The following ADARB2 variants were observed in gnomAD, a reference collection of about 807,000 sequenced individuals.
ADARB2 encodes the protein adenosine deaminase RNA specific B2 (inactive), also known as inactive double-stranded RNA-specific editase B2.
In ADARB2, 25 loss-of-function variants were observed where a neutral mutation model predicts 62.2. The ratio of observed to expected loss-of-function variants is 0.40; its 90% CI spans 0.29 to 0.56. The LOEUF is 0.56. Ranked by LOEUF, ADARB2 falls within the 20% of genes least tolerant of loss-of-function variation. The pLI is 0.43. For missense variants in ADARB2, 1,071 were observed against 1,077.4 expected (o/e 0.99, Z 0.08); for synonymous variants, 572 against 500.8 (o/e 1.14, Z -1.90).
chr10:1,615,001 G>A (rs1299843422), intron 1 of ADARB2, among the ~76,000 whole-genome samples: 1 of 152,188 alleles, frequency 6.6e-6, no homozygotes, highest in Non-Finnish European at 1.5e-5. Context: ...CATTGTTGGG[G>A]AGGAGCTCAT....
intron 2 of ADARB2, among the ~76,000 whole-genome samples, chr10:1,366,554 A>C (rs1832315507): frequency 6.6e-6 from 1 of 152,104 alleles, no homozygotes; most frequent in Non-Finnish European, 1.5e-5. Flanking sequence ...GAGGGTATTA[A>C]TGTCCGATTT....
At chr10:1,409,639 C>T (rs1832739891) in intron 1 of ADARB2, among the ~76,000 whole-genome samples, 1 of 139,062 alleles carries the variant, frequency 7.2e-6, no homozygotes, top group African/African-American at 2.6e-5. Context: ...GGTGCCGAGG[C>T]CTGGCTGTGG....
chr10:1,562,468 A>G (rs1452950796), intron 1 of ADARB2, among the ~76,000 whole-genome samples: 1 of 152,032 alleles, frequency 6.6e-6, no homozygotes, highest in Non-Finnish European at 1.5e-5. Flanking sequence ...CAAGTGTCAG[A>G]CAACAAAATC....
rs1366567476 is a variant in ADARB2 at position 1,182,365 on chromosome 10, C to G, written c.*828G>C. The stretch of plus-strand genomic sequence containing the variant: ...GGGCCAGGTGTTTCCGGGCTCCCCA[C>G]ATCTGCAGCACGCGTGGGCCGGGTG... On this transcript the variant is annotated 3_prime_UTR_variant, in exon 10 of 10. Coordinates refer to ENST00000381312, the MANE Select transcript of ADARB2 (RefSeq NM_018702.4). 6.5e-6 allele frequency: 1 copy of G among 153,984 alleles called. No homozygotes were observed. Among genetic ancestry groups the G allele is most frequent in the African/African-American group, 2.4e-5 (1 of 41,416 alleles). The allele number at this position is 153,984 out of a possible 1,614,324, so 9.5% of individuals were successfully genotyped here.
At chr10:1,418,284 G>A (rs1310221681) in intron 1 of ADARB2, among the ~76,000 whole-genome samples, 1 of 152,182 alleles carries the variant, frequency 6.6e-6, no homozygotes, top group Non-Finnish European at 1.5e-5. Context: ...TGGAGTTCCC[G>A]GGAAAGACGG....
At chr10:1,695,859 TGTACACACACATGCATGA>T (rs1447793842) in intron 1 of ADARB2, among the ~76,000 whole-genome samples, 20 of 151,292 alleles carry the variant, frequency 1.3e-4, no homozygotes, top group Middle Eastern at 3.2e-3. Flanking sequence ...TGTGCATCCA[TGTACACACACATGCATGA>T]GGACACACAC....
intron 3 of ADARB2, among the ~76,000 whole-genome samples, chr10:1,347,908 G>A (rs943021315): frequency 1.3e-5 from 2 of 151,952 alleles, no homozygotes; most frequent in Admixed American, 6.6e-5. Context: ...AGAGGGATAC[G>A]GAGACAGAGA....
At chr10:1,303,970 T>G (rs1197375986) in intron 3 of ADARB2, among the ~76,000 whole-genome samples, 1 of 151,954 alleles carries the variant, frequency 6.6e-6, no homozygotes, top group Non-Finnish European at 1.5e-5. Context: ...CATCAACTAA[T>G]GAGCAAAATA....
chr10:1,408,631 C>T (rs940751135), intron 1 of ADARB2, among the ~76,000 whole-genome samples: 4 of 152,136 alleles, frequency 2.6e-5, no homozygotes, highest in Non-Finnish European at 5.9e-5. Context: ...GCTTGCTGCC[C>T]GTCGGAAACC....
At chr10:1,354,251 C>T (rs1382802685) in intron 3 of ADARB2, among the ~76,000 whole-genome samples, 1 of 152,160 alleles carries the variant, frequency 6.6e-6, no homozygotes, top group African/African-American at 2.4e-5. Flanking sequence ...GCTAAGCCAT[C>T]ATATTCGCTG....
intron 1 of ADARB2, among the ~76,000 whole-genome samples, chr10:1,563,733 A>C (rs1832819866): frequency 2.1e-5 from 3 of 145,336 alleles, no homozygotes; most frequent in African/African-American, 2.5e-5. Context: ...GCACCCACTA[A>C]CTCGTCATCT....
intron 1 of ADARB2, among the ~76,000 whole-genome samples, chr10:1,382,006 C>T (rs191512570): frequency 1.1e-4 from 17 of 152,244 alleles, no homozygotes; most frequent in Admixed American, 1.0e-3. Context: ...ATCCTCATCC[C>T]CCACAATGGT....
At chr10:1,486,847 A>G (rs988449067) in intron 1 of ADARB2, among the ~76,000 whole-genome samples, 4 of 152,202 alleles carry the variant, frequency 2.6e-5, no homozygotes, top group Non-Finnish European at 4.4e-5. Context: ...AGAGTCCCAC[A>G]TTTAAAATGC....
intron 3 of ADARB2, among the ~76,000 whole-genome samples, chr10:1,322,274 T>C (rs1295312440): frequency 6.6e-6 from 1 of 152,108 alleles, no homozygotes; most frequent in Non-Finnish European, 1.5e-5. Flanking sequence ...CTATTTTGTC[T>C]TTTTCAAAAA....
intron 3 of ADARB2, among the ~76,000 whole-genome samples, chr10:1,293,259 A>G (rs373521675): frequency 9.3e-4 from 106 of 113,396 alleles, no homozygotes; most frequent in African/African-American, 3.9e-3. Flanking sequence ...GGAGAGGGAC[A>G]GAGGGAGGGA....
At chr10:1,735,779 A>G (rs1335512097) in intron 1 of ADARB2, among the ~76,000 whole-genome samples, 3 of 152,214 alleles carry the variant, frequency 2.0e-5, no homozygotes, top group Non-Finnish European at 2.9e-5. Context: ...GTGGGGGCCA[A>G]TCCCTCCCAG....
intron 1 of ADARB2, among the ~76,000 whole-genome samples, chr10:1,531,595 T>C (rs1832240907): frequency 6.6e-6 from 1 of 152,176 alleles, no homozygotes; most frequent in Admixed American, 6.5e-5. Context: ...ATCCTAGCAC[T>C]TTGGGAGGCC....
At chr10:1,622,211 C>A (rs1340902489) in intron 1 of ADARB2, among the ~76,000 whole-genome samples, 1 of 152,100 alleles carries the variant, frequency 6.6e-6, no homozygotes, top group Non-Finnish European at 1.5e-5. Flanking sequence ...AACCACAGAC[C>A]TAAAGACCCT....
intron 1 of ADARB2, among the ~76,000 whole-genome samples, chr10:1,576,202 A>C (rs2131996820): frequency 7.7e-6 from 1 of 129,574 alleles, no homozygotes; most frequent in East Asian, 2.4e-4. Context: ...GGGTCACTGG[A>C]GGAGCTCAGG....
Sources: allele counts gnomAD v4.1 joint callset (sites outside exome capture counted in the v4.1 genomes callset), GRCh38; gene constraint gnomAD v4.1.1; transcripts MANE v1.5; gene names NCBI Gene and HGNC (gene_info 2026-07-23, HGNC 2026-07-21).